Variants in DLC1 observed in about 807,000 individuals in gnomAD.
DLC1 encodes the protein rho GTPase-activating protein 7.
Under a neutral mutation model 140.3 loss-of-function variants are expected in DLC1, and 54 were observed. The ratio of observed to expected loss-of-function variants is 0.38; its 90% CI spans 0.31 to 0.48. DLC1 has a LOEUF of 0.48. DLC1 is among the 20% of genes least tolerant of loss of function. DLC1 has a pLI of 0.96. For synonymous variants in DLC1, 986 were observed against 728.1 expected (o/e 1.35, Z -5.70); for missense variants, 2,536 against 1,907.0 (o/e 1.33, Z -6.14).
intron 1 of DLC1, among the ~76,000 whole-genome samples, chr8:13,531,458 G>T (rs1244951224): frequency 5.3e-5 from 8 of 151,928 alleles, no homozygotes; most frequent in Admixed American, 5.2e-4. Flanking sequence ...TGGTGATGGG[G>T]GCCTATAATC....
rs371454726 is a variant in DLC1 at position 13,419,301 on chromosome 8, A to T, written c.1024-17682T>A. Among the ~76,000 whole-genome samples, 35 of 152,122 alleles carry T rather than the reference A, an allele frequency of 2.3e-4. No homozygotes were observed. In the East Asian group the frequency reaches 2.3e-3, roughly 10 times the overall value. ...CATCCCTGTCTTGTGCCAGTTTTCA[A>T]AGGGAATGCTTCCAGTTTTTGCCCA... On this transcript the variant is annotated intron_variant, in intron 2 of 17. Transcript: ENST00000276297.
At chr8:13,177,266 G>A (rs1447181884) in intron 5 of DLC1, among the ~76,000 whole-genome samples, 2 of 152,058 alleles carry the variant, frequency 1.3e-5, no homozygotes, top group Non-Finnish European at 2.9e-5. Flanking sequence ...ACTTCATAAT[G>A]TATTTTATAT....
intron 1 of DLC1, among the ~76,000 whole-genome samples, chr8:13,524,290 A>G (rs1052480605): frequency 2.6e-5 from 4 of 151,880 alleles, no homozygotes; most frequent in African/African-American, 9.6e-5. Context: ...GGTACCCACC[A>G]CCATACCAAG....
chr8:13,487,890 A>G (rs757012333), intron 2 of DLC1, among the ~76,000 whole-genome samples: 1 of 152,148 alleles, frequency 6.6e-6, no homozygotes, highest in Non-Finnish European at 1.5e-5. Flanking sequence ...CTTGTTTTAC[A>G]CTTAAAGAAG....
chr8:13,208,485 T>G (rs929719759), intron 5 of DLC1, among the ~76,000 whole-genome samples: 4 of 152,196 alleles, frequency 2.6e-5, no homozygotes, highest in Non-Finnish European at 5.9e-5. Context: ...TTTACAAAAA[T>G]GTAGCAAATT....
At chr8:13,547,041 T>A (rs753526050) in intron 1 of DLC1, among the ~76,000 whole-genome samples, 1 of 152,132 alleles carries the variant, frequency 6.6e-6, no homozygotes, top group African/African-American at 2.4e-5. Flanking sequence ...AATATTTTGA[T>A]AAATCAACTA....
At chr8:13,422,831 C>G (rs1441445995) in intron 2 of DLC1, among the ~76,000 whole-genome samples, 3 of 151,484 alleles carry the variant, frequency 2.0e-5, no homozygotes, top group African/African-American at 7.3e-5. Flanking sequence ...AGTGTTTGAG[C>G]AAAGTGCTAT....
At chr8:13,362,900 T>C (rs1835301574) in intron 4 of DLC1, among the ~76,000 whole-genome samples, 1 of 152,164 alleles carries the variant, frequency 6.6e-6, no homozygotes, top group South Asian at 2.1e-4. Context: ...TGTTCCAGCA[T>C]CCTAGAGAGG....
chr8:13,282,200 C>T (rs890889394), intron 5 of DLC1, among the ~76,000 whole-genome samples: 1 of 152,138 alleles, frequency 6.6e-6, no homozygotes, highest in African/African-American at 2.4e-5. Context: ...TTAATGCTTT[C>T]GTCAAGCTAT....
At chr8:13,379,174 C>T (rs1836137380) in intron 4 of DLC1, among the ~76,000 whole-genome samples, 1 of 151,994 alleles carries the variant, frequency 6.6e-6, no homozygotes, top group African/African-American at 2.4e-5. Context: ...AATAGGTATC[C>T]TTGGGGCCTG....
chr8:13,364,555 C>T (rs1465829190), intron 4 of DLC1, among the ~76,000 whole-genome samples: 1 of 152,144 alleles, frequency 6.6e-6, no homozygotes, highest in African/African-American at 2.4e-5. Context: ...CCTTGGCCTT[C>T]CAAAGTGCTG....
chr8:13,393,919 C>A lies in DLC1; in HGVS notation c.1174-226G>T, dbSNP rs150879372. Among the ~76,000 whole-genome samples the A allele has an allele frequency of 3.3e-5, 5 of 152,320 alleles. No individual in the cohort carries two copies. The East Asian group carries it at 9.6e-4, about 29-fold the overall frequency. On this transcript the variant is annotated intron_variant, in intron 3 of 17. Transcript: ENST00000276297. ...AAATACTTGAGAAAGAGGTAACATACTATTTGGTAATTTAACAGCTGAGTG... is the reference window on the plus strand; with the variant it reads ...AAATACTTGAGAAAGAGGTAACATAATATTTGGTAATTTAACAGCTGAGTG...
rs149044085 is a variant in DLC1, at chr8:13,337,917, G to A, written c.1315-32615C>T. Among the ~76,000 whole-genome samples the A allele has an allele frequency of 1.6e-3, 247 of 152,250 alleles. 1 individual carries two copies. The highest frequency in any genetic ancestry group is 5.4e-3 in the African/African-American group (226 of 41,548). Reference sequence around the variant, plus strand: ...TGAAAAAAATCCCCATATAGGAATTGTATATGCAATTTATTACACTTCATT... The same window carrying A: ...TGAAAAAAATCCCCATATAGGAATTATATATGCAATTTATTACACTTCATT... On this transcript the variant is annotated intron_variant, in intron 4 of 17. Coordinates refer to ENST00000276297, the MANE Select transcript of DLC1 (RefSeq NM_182643.3).
At chr8:13,338,877 T>G (rs1346774558) in intron 4 of DLC1, 1 of 152,228 alleles carries the variant, frequency 6.6e-6, no homozygotes, top group Non-Finnish European at 1.5e-5. Context: ...CAGAAATCAG[T>G]AATTGTCAGA....
At chr8:13,393,982 C>T (rs1363735312) in intron 3 of DLC1, among the ~76,000 whole-genome samples, 1 of 151,918 alleles carries the variant, frequency 6.6e-6, no homozygotes, top group Non-Finnish European at 1.5e-5. Context: ...AGCTAGGGCC[C>T]TGCAGAGAAG....
chr8:13,117,481 T>A (rs930491249), intron 5 of DLC1, among the ~76,000 whole-genome samples: 2 of 147,432 alleles, frequency 1.4e-5, no homozygotes, highest in African/African-American at 2.5e-5. Flanking sequence ...CTGTAACCGC[T>A]AAAAAAAAAA....
At position 13,175,126 on chromosome 8, in the gene DLC1, C is replaced by A. The variant is rs1283718391; in HGVS notation, c.1349-59469G>T. Among the ~76,000 whole-genome samples, 3 of 152,078 alleles carry A rather than the reference C, an allele frequency of 2.0e-5. No individual in the cohort carries two copies. The East Asian group carries it at 5.8e-4, about 29-fold the overall frequency. ...ACTTATTGAACAGAGAGTCCCTATC[C>A]CAATTGCTTGCTTTTGTCTACTTTG... On this transcript the variant is annotated intron_variant, in intron 5 of 17. Coordinates refer to ENST00000276297, the MANE Select transcript of DLC1 (RefSeq NM_182643.3).
chr8:13,296,154 C>G (rs1409026295), intron 5 of DLC1, among the ~76,000 whole-genome samples: 1 of 151,686 alleles, frequency 6.6e-6, no homozygotes, highest in Non-Finnish European at 1.5e-5. Context: ...CAGAGTTACA[C>G]CATGTTGGCC....
At position 13,147,559 on chromosome 8, in the gene DLC1, G is replaced by A. The variant is rs372937902; in HGVS notation, c.1349-31902C>T. 1.6e-4 allele frequency among the ~76,000 whole-genome samples: 24 copies of A among 152,204 alleles called. No homozygotes were observed. In the East Asian group the frequency reaches 1.9e-3, roughly 12 times the overall value. On this transcript the variant is annotated intron_variant, in intron 5 of 17. Transcript: ENST00000276297. ...GCAGGCACTCTTATCTGGAATTTAA[G>A]TGTATAATGAAGCAGTTCTACTCCA...
Sources: gnomAD v4.1 joint callset for allele counts (sites outside exome capture counted in the v4.1 genomes callset) on GRCh38, gnomAD v4.1.1 for gene constraint, MANE v1.5 for transcripts, NCBI Gene and HGNC (gene_info 2026-07-23, HGNC 2026-07-21) for gene names.